Variants in SORBS2 observed in about 807,000 individuals in gnomAD.
The protein encoded by SORBS2 is sorbin and SH3 domain containing 2.
In SORBS2, 46 loss-of-function variants were observed where a neutral mutation model predicts 97.7. The observed-to-expected ratio is 0.47, with a 90% confidence interval of 0.37 to 0.60. The LOEUF is 0.60. Ranked by LOEUF, SORBS2 falls within the 20% of genes least tolerant of loss-of-function variation. The pLI, the probability that SORBS2 is intolerant of heterozygous loss-of-function variation, is 0.00. For missense variants in SORBS2, 1,316 were observed against 1,282.3 expected (o/e 1.03, Z -0.40); for synonymous variants, 476 against 473.4 (o/e 1.01, Z -0.07).
intron 13 of SORBS2, among the ~76,000 whole-genome samples, chr4:185,591,016 G>T (rs1259136067): frequency 6.6e-6 from 1 of 152,106 alleles, no homozygotes; most frequent in Non-Finnish European, 1.5e-5. Flanking sequence ...TACCGCTCCG[G>T]AACAAGAATG....
intron 1 of SORBS2, among the ~76,000 whole-genome samples, chr4:185,879,171 C>CA (rs1462954519): frequency 6.5e-5 from 5 of 77,288 alleles, no homozygotes; most frequent in South Asian, 3.8e-4. Flanking sequence ...TCCCTCCCCC[C>CA]CCCCCACCCC....
intron 1 of SORBS2, among the ~76,000 whole-genome samples, chr4:185,813,721 CTCTTT>C (rs976752329): frequency 6.6e-6 from 1 of 152,216 alleles, no homozygotes; most frequent in African/African-American, 2.4e-5. Context: ...AATCTGCCTC[CTCTTT>C]TATCTTCCAA....
chr4:185,777,886 A>C (rs2099007694), intron 1 of SORBS2, among the ~76,000 whole-genome samples: 1 of 152,216 alleles, frequency 6.6e-6, no homozygotes, highest in Non-Finnish European at 1.5e-5. Flanking sequence ...ACCACTATGC[A>C]GTCCATCCAT....
intron 4 of SORBS2, chr4:185,646,163 A>G (rs1428887111): frequency 6.6e-6 from 1 of 152,208 alleles, no homozygotes; most frequent in African/African-American, 2.4e-5. Flanking sequence ...AATATTAAAA[A>G]GCCAATATGG....
intron 7 of SORBS2, among the ~76,000 whole-genome samples, chr4:185,620,757 G>A (rs1425614431): frequency 6.6e-6 from 1 of 152,100 alleles, no homozygotes; most frequent in Non-Finnish European, 1.5e-5. Context: ...GTTTATCTAC[G>A]ACCTTCCTTT....
At chr4:185,775,107 T>A (rs751897405) in intron 2 of SORBS2, 120 bp downstream of exon 2, 1 of 152,458 alleles carries the variant, frequency 6.6e-6, no homozygotes, top group African/African-American at 2.4e-5. Context: ...GAACACCGTG[T>A]TTACCTGAAA....
At chr4:185,922,264 G>T (rs920070811) in intron 1 of SORBS2, among the ~76,000 whole-genome samples, 2 of 145,336 alleles carry the variant, frequency 1.4e-5, no homozygotes. Context: ...GATAACAGTG[G>T]TCCTCTCCCC....
At chr4:185,736,272 C>A (rs796536068) in intron 2 of SORBS2, among the ~76,000 whole-genome samples, 35 of 152,344 alleles carry the variant, frequency 2.3e-4, no homozygotes, top group Admixed American at 7.2e-4. Flanking sequence ...TGGTGTTGTG[C>A]AAGCCTGGGC....
chr4:185,953,012 G>A (rs1489225278), intron 1 of SORBS2, among the ~76,000 whole-genome samples: 1 of 152,062 alleles, frequency 6.6e-6, no homozygotes, highest in African/African-American at 2.4e-5. Context: ...AAGTTATGTT[G>A]GTCTCTTCAA....
intron 1 of SORBS2, among the ~76,000 whole-genome samples, chr4:185,806,484 G>C: frequency 9.3e-6 from 1 of 107,102 alleles, no homozygotes; most frequent in Non-Finnish European, 1.7e-5. Flanking sequence ...TTGAGACGGA[G>C]TCTCGCTCTG....
At chr4:185,646,602 C>G in intron 4 of SORBS2, 66 bp downstream of exon 13, 1 of 917,170 alleles carries the variant, frequency 1.1e-6, no homozygotes, top group Non-Finnish European at 1.7e-6. Flanking sequence ...GTCTGAAATT[C>G]AGGTTTATTG....
At chr4:185,847,603 T>C (rs1456299291) in intron 1 of SORBS2, among the ~76,000 whole-genome samples, 1 of 152,158 alleles carries the variant, frequency 6.6e-6, no homozygotes, top group African/African-American at 2.4e-5. Flanking sequence ...ACATATGGCA[T>C]GTGTGAAATT....
At chr4:185,740,081 C>T (rs947787622) in intron 2 of SORBS2, 1 of 152,604 alleles carries the variant, frequency 6.6e-6, no homozygotes, top group African/African-American at 2.4e-5. Context: ...AAATCAGCAT[C>T]GCGATGCCCT....
intron 1 of SORBS2, among the ~76,000 whole-genome samples, chr4:185,795,475 T>C (rs1461429324): frequency 1.3e-5 from 2 of 152,142 alleles, no homozygotes; most frequent in Non-Finnish European, 2.9e-5. Context: ...TCTGAAGGTC[T>C]ACATGGCAAC....
At chr4:185,720,303 T>C (rs553615500) in intron 2 of SORBS2, among the ~76,000 whole-genome samples, 53 of 151,240 alleles carry the variant, frequency 3.5e-4, no homozygotes, top group Non-Finnish European at 5.5e-4. Flanking sequence ...ATAAATGTAT[T>C]CCCACAGTCA....
intron 1 of SORBS2, among the ~76,000 whole-genome samples, chr4:185,897,327 C>T (rs893239957): frequency 2.0e-5 from 3 of 152,222 alleles, no homozygotes; most frequent in Admixed American, 6.5e-5. Flanking sequence ...GGAAGGAAAG[C>T]TGACCAGAGA....
At chr4:185,647,414 T>TC (rs1037686810) in intron 3 of SORBS2, among the ~76,000 whole-genome samples, 9 of 143,886 alleles carry the variant, frequency 6.3e-5, no homozygotes, top group South Asian at 2.2e-4. Flanking sequence ...GAAGGCTTCT[T>TC]TTTTTTTTTT....
intron 1 of SORBS2, among the ~76,000 whole-genome samples, chr4:185,950,645 T>A (rs1446352975): frequency 1.3e-5 from 2 of 152,238 alleles, no homozygotes; most frequent in Non-Finnish European, 2.9e-5. Context: ...AATGCATATT[T>A]GGAGCCTTAA....
chr4:185,680,206 G>A (rs148782626), intron 2 of SORBS2, among the ~76,000 whole-genome samples: 1 of 152,220 alleles, frequency 6.6e-6, no homozygotes, highest in Non-Finnish European at 1.5e-5. Context: ...ATGGGGTCTT[G>A]CTATTTTGTC....
Sources: allele counts gnomAD v4.1 joint callset (sites outside exome capture counted in the v4.1 genomes callset), GRCh38; gene constraint gnomAD v4.1.1; transcripts MANE v1.5; gene names NCBI Gene and HGNC (gene_info 2026-07-23, HGNC 2026-07-21).